Variants in RPL35A observed in about 807,000 individuals in gnomAD.
The protein encoded by RPL35A is ribosomal protein L35a.
In RPL35A, 1 loss-of-function variant was observed where a neutral mutation model predicts 16.7. The observed-to-expected ratio is 0.06, with a 90% confidence interval of 0.02 to 0.28. RPL35A has a LOEUF of 0.28. RPL35A is among the 10% of genes least tolerant of loss of function. The probability of loss-of-function intolerance (pLI) is 1.00; values close to 1 mark genes in which losing one functional copy is unlikely to be tolerated. For synonymous variants in RPL35A, 58 were observed against 47.0 expected (o/e 1.23, Z -0.96); for missense variants, 91 against 138.7 (o/e 0.66, Z 1.73).
rs1720046300 is a variant in RPL35A at position 197,951,186 on chromosome 3, C to T, written c.39C>T (p.Gly13=). 2 of 1,614,112 alleles carry T rather than the reference C, an allele frequency of 1.2e-6. No individual in the cohort carries two copies. Among genetic ancestry groups the T allele is most frequent in the Non-Finnish European group, 1.7e-6 (2 of 1,180,026 alleles). Residue 13 remains glycine (G), a synonymous_variant, in exon 3 of 5, where the codon GGC becomes GGT. Transcript: ENST00000647248. Reference sequence around the variant, plus strand: ...TGTGGTCCAAGGCCATTTTTGCTGGCTATAAGCGGGGTCTCCGGAACCAAA... The same window carrying T: ...TGTGGTCCAAGGCCATTTTTGCTGGTTATAAGCGGGGTCTCCGGAACCAAA... ...GRLWSKAIFA[G]YKRGLRNQRE...
intron 3 of RPL35A, among the ~76,000 whole-genome samples, chr3:197,952,188 T>G (rs895139194): frequency 1.3e-4 from 16 of 124,422 alleles, no homozygotes; most frequent in Admixed American, 3.8e-4. Flanking sequence ...TTTTTTTTTT[T>G]GGAGACGGAG....
At chr3:197,953,714 A>AT (rs1235785556) in intron 3 of RPL35A, 1 of 482,042 alleles carries the variant, frequency 2.1e-6, no homozygotes, top group Admixed American at 3.3e-5. Flanking sequence ...CTTTTTTGCT[A>AT]TTTTTTCAAT....
rs560439893 is a variant in RPL35A at position 197,954,346 on chromosome 3, T to G, written c.309+199T>G. 1,595 of 628,384 alleles carry G rather than the reference T, an allele frequency of 2.5e-3. 8 individuals are homozygous for G. Among genetic ancestry groups the G allele is most frequent in the African/African-American group, 0.015 (804 of 54,126 alleles). The allele number at this position is 628,384 out of a possible 1,614,324, so 38.9% of individuals were successfully genotyped here. On this transcript the variant is annotated intron_variant, in intron 4 of 4. Transcript: ENST00000647248. ...GGTTGTTTGTTTTTTGTTTTTTTTT[T>G]GGGGGGAGACAGGGTCTCACTTTGT...
rs75565577 is a variant in RPL35A at position 197,955,187 on chromosome 3, A to G, written c.310-563A>G. Among the ~76,000 whole-genome samples, 682 of 152,274 alleles carry G rather than the reference A, an allele frequency of 4.5e-3. 8 individuals carry two copies. In the East Asian group the frequency reaches 0.046, roughly 10 times the overall value. ...ACTGTTGAACCCTGCTAAGTGGTTC[A>G]TTAGGGTTTATCAACAGAGGAGGCT... On this transcript the variant is annotated intron_variant, in intron 4 of 4. Coordinates refer to ENST00000647248, the MANE Select transcript of RPL35A (RefSeq NM_000996.4).
intron 4 of RPL35A, among the ~76,000 whole-genome samples, chr3:197,955,470 G>T (rs892551588): frequency 6.6e-6 from 1 of 152,030 alleles, no homozygotes; most frequent in East Asian, 1.9e-4. Context: ...TACCATGTTG[G>T]CCAGGATGGT....
At chr3:197,953,873 C>T in intron 3 of RPL35A, 130 bp from the exon 4 acceptor site, 2 of 817,804 alleles carry the variant, frequency 2.4e-6, no homozygotes, top group South Asian at 1.4e-5. Context: ...GAATGGTGTT[C>T]TAGGCATTTA....
chr3:197,953,851 T>C, intron 3 of RPL35A, 152 bp from the exon 4 acceptor site: 2 of 737,106 alleles, frequency 2.7e-6, no homozygotes, highest in Non-Finnish European at 4.9e-6. Context: ...ACTCGATAAG[T>C]ATCTGTTGAA....
Position 197,954,064 on chromosome 3 carries a change from C to T in RPL35A, c.226C>T (p.Arg76Trp), listed in dbSNP as rs1720338364. The T allele has an allele frequency of 3.1e-6, 5 of 1,614,064 alleles. No individual in the cohort carries two copies. In the African/African-American group the frequency reaches 4.0e-5, roughly 13 times the overall value. ...CAGAGTCATCTGGGGAAAAGTAACT[C>T]GGGCCCATGGAAACAGTGGCATGGT... ...KTRVIWGKVT[R>W]AHGNSGMVRA... The change falls in exon 4 of 5, where the codon CGG becomes TGG. Residue 76 changes from arginine to tryptophan, a missense_variant. Coordinates refer to ENST00000647248, the MANE Select transcript of RPL35A (RefSeq NM_000996.4).
At position 197,951,204 on chromosome 3, in the gene RPL35A, G is replaced by A. The variant is rs769775044; in HGVS notation, c.57G>A (p.Arg19=). The change falls in exon 3 of 5, where the codon CGG becomes CGA. Residue 19 remains arginine, a synonymous_variant. Coordinates refer to ENST00000647248, the MANE Select transcript of RPL35A (RefSeq NM_000996.4). ...AIFAGYKRGL[R]NQREHTALLK... ...TTGCTGGCTATAAGCGGGGTCTCCG[G>A]AACCAAAGGGAGCACACAGCTCTTC... The A allele has an allele frequency of 1.5e-5, 24 of 1,614,028 alleles. No homozygotes were observed. The highest frequency in any genetic ancestry group is 1.9e-5 in the Non-Finnish European group (23 of 1,180,042).
At chr3:197,954,673 A>G (rs947151277) in intron 4 of RPL35A, among the ~76,000 whole-genome samples, 1 of 152,090 alleles carries the variant, frequency 6.6e-6, no homozygotes, top group African/African-American at 2.4e-5. Flanking sequence ...CACCATGCCC[A>G]GATAATTTTT....
At chr3:197,951,956 T>C (rs1720130866) in intron 3 of RPL35A, among the ~76,000 whole-genome samples, 1 of 152,056 alleles carries the variant, frequency 6.6e-6, no homozygotes, top group Admixed American at 6.6e-5. Flanking sequence ...TTAAGGAACT[T>C]AATGGGGAGT....
intron 4 of RPL35A, 189 bp downstream of exon 4, chr3:197,954,336 GTT>G: frequency 1.8e-6 from 1 of 560,076 alleles, no homozygotes; most frequent in Non-Finnish European, 3.1e-6. Flanking sequence ...TTTGTTTTTT[GTT>G]TTTTTTTTGG....
intron 3 of RPL35A, chr3:197,953,696 C>G (rs1413812904): frequency 2.2e-6 from 1 of 448,344 alleles, no homozygotes; most frequent in Non-Finnish European, 4.1e-6. Context: ...AATATCCTCA[C>G]ACTTGTCCTT....
intron 3 of RPL35A, 124 bp downstream of exon 3, chr3:197,951,435 C>T: frequency 9.5e-7 from 1 of 1,054,444 alleles, no homozygotes; most frequent in Non-Finnish European, 1.4e-6. Flanking sequence ...TCACCGAAAC[C>T]TCCGCCTCCC....
At chr3:197,953,370 T>A (rs1393946065) in intron 3 of RPL35A, 13 of 451,322 alleles carry the variant, frequency 2.9e-5, no homozygotes, top group Non-Finnish European at 5.8e-5. Flanking sequence ...GACAACCCCG[T>A]GGTCTTTAAA....
intron 3 of RPL35A, 184 bp downstream of exon 3, chr3:197,951,495 G>A: frequency 1.6e-6 from 1 of 636,350 alleles, no homozygotes. Flanking sequence ...TGGGATTACA[G>A]GCGCCGGCCA....
intron 1 of RPL35A, 106 bp downstream of exon 1, chr3:197,950,327 T>A (rs1208387599): frequency 1.2e-5 from 15 of 1,227,750 alleles, no homozygotes; most frequent in Non-Finnish European, 1.5e-5. Flanking sequence ...TGCCAGCCAT[T>A]GATTTCTACG....
At chr3:197,952,162 GTTTTTTTTTTTTT>G (rs1161903755) in intron 3 of RPL35A, among the ~76,000 whole-genome samples, 26 of 83,890 alleles carry the variant, frequency 3.1e-4, no homozygotes, top group Middle Eastern at 6.7e-3. Context: ...AAAATTATGG[GTTTTTTTTTTTTT>G]TTTTTTTTTT....
At chr3:197,951,517 T>G in intron 3 of RPL35A, 1 of 565,604 alleles carries the variant, frequency 1.8e-6, no homozygotes. Context: ...CACGCCCGGC[T>G]AGTTTTTGTA....
Sources: gnomAD v4.1 joint callset for allele counts (sites outside exome capture counted in the v4.1 genomes callset) on GRCh38, gnomAD v4.1.1 for gene constraint, MANE v1.5 for transcripts, NCBI Gene and HGNC (gene_info 2026-07-23, HGNC 2026-07-21) for gene names.